IL1RAPL2: variants seen among roughly 807,000 people sequenced by gnomAD.
The protein encoded by IL1RAPL2 is interleukin 1 receptor accessory protein like 2, also known as X-linked interleukin-1 receptor accessory protein-like 2.
IL1RAPL2 carries 3 observed loss-of-function variants against 44.1 expected under a neutral mutation model. The ratio of observed to expected loss-of-function variants is 0.07; its 90% CI spans 0.03 to 0.18. IL1RAPL2 has a LOEUF of 0.18. Ranked by LOEUF, IL1RAPL2 falls within the 10% of genes least tolerant of loss-of-function variation. IL1RAPL2 has a pLI of 1.00. For synonymous variants in IL1RAPL2, 181 were observed against 178.8 expected, an observed-to-expected ratio of 1.01 and a Z score of -0.10; for missense variants, 391 against 496.4, an observed-to-expected ratio of 0.79 and a Z score of 2.02.
intron 2 of IL1RAPL2, among the ~76,000 whole-genome samples, chrX:104,916,764 A>G (rs1159841368): frequency 9.0e-6 from 1 of 111,161 alleles, no homozygotes; most frequent in Non-Finnish European, 1.9e-5. Context: ...ATTTCTTGAG[A>G]GTTTTTAGCA....
At chrX:104,875,520 C>A (rs1393152305) in intron 2 of IL1RAPL2, among the ~76,000 whole-genome samples, 5 of 111,667 alleles carry the variant, frequency 4.5e-5, no homozygotes, top group African/African-American at 1.6e-4. Context: ...GTTGTTCTAT[C>A]CAACCAGAGA....
intron 6 of IL1RAPL2, among the ~76,000 whole-genome samples, chrX:105,665,340 C>CGTGT (rs1178623936): frequency 2.6e-5 from 2 of 76,604 alleles, no homozygotes; most frequent in Non-Finnish European, 5.1e-5. Flanking sequence ...ATTTTATGCG[C>CGTGT]GTGCGTGTGT....
intron 10 of IL1RAPL2, among the ~76,000 whole-genome samples, chrX:105,763,953 T>TTTGA (rs754118438): frequency 2.4e-4 from 27 of 111,384 alleles, no homozygotes; most frequent in Non-Finnish European, 3.6e-4. Flanking sequence ...CAGGGAAAAT[T>TTTGA]TTGATATACT....
chrX:105,665,471 T>TA (rs1407353094), intron 6 of IL1RAPL2, among the ~76,000 whole-genome samples: 2 of 110,527 alleles, frequency 1.8e-5, no homozygotes, highest in Non-Finnish European at 3.8e-5. Flanking sequence ...GAAAACCTGT[T>TA]ACCTCTTTAT....
At chrX:105,587,765 G>T (rs896305570) in intron 6 of IL1RAPL2, among the ~76,000 whole-genome samples, 2 of 111,979 alleles carry the variant, frequency 1.8e-5, no homozygotes, top group South Asian at 7.4e-4. Flanking sequence ...CAGGCCAGAC[G>T]TGGAGGCTCA....
Position 104,585,354 on chromosome X carries a change from A to ATATAT in IL1RAPL2, c.-20+18304_-20+18308dup, listed in dbSNP as rs1928528492. On this transcript the variant is annotated intron_variant, in intron 1 of 10. Transcript: ENST00000372582. ...ATATATATTATATATTATATATATT[A>ATATAT]TATATATTATATATATTATATATAA... Among the ~76,000 whole-genome samples the ATATAT allele has an allele frequency of 1.3e-3, 16 of 12,128 alleles. 1 individual carries two copies. The highest frequency in any genetic ancestry group is 6.6e-3 in the African/African-American group (15 of 2,262). The allele number at this position is 12,128 out of a possible 115,157, so 10.5% of individuals were successfully genotyped here.
chrX:105,046,968 G>T (rs1248670604), intron 2 of IL1RAPL2, among the ~76,000 whole-genome samples: 1 of 109,090 alleles, frequency 9.2e-6, no homozygotes, highest in Non-Finnish European at 1.9e-5. Context: ...ACCCCATTCT[G>T]CCCGCTCCCT....
chrX:105,677,703 C>A (rs923607761), intron 6 of IL1RAPL2, among the ~76,000 whole-genome samples: 1 of 111,117 alleles, frequency 9.0e-6, no homozygotes, highest in Admixed American at 9.6e-5. Context: ...TAGTAGTACA[C>A]CACTGGCCTT....
chrX:104,689,214 C>T (rs1391289962), intron 2 of IL1RAPL2, among the ~76,000 whole-genome samples: 1 of 111,896 alleles, frequency 8.9e-6, no homozygotes, highest in Non-Finnish European at 1.9e-5. Flanking sequence ...TTCATTGCTA[C>T]CAAGCAGGAT....
chrX:105,676,506 G>C (rs183406792), intron 6 of IL1RAPL2, among the ~76,000 whole-genome samples: 2 of 111,651 alleles, frequency 1.8e-5, no homozygotes, highest in East Asian at 5.7e-4. Context: ...AATCCGCTTA[G>C]GGACTATACA....
At chrX:104,781,539 T>C (rs953459886) in intron 2 of IL1RAPL2, among the ~76,000 whole-genome samples, 1 of 112,157 alleles carries the variant, frequency 8.9e-6, no homozygotes, top group Admixed American at 9.5e-5. Context: ...GGGGCCCAGA[T>C]GCCTTCCATC....
At chrX:105,009,074 G>A (rs2030997516) in intron 2 of IL1RAPL2, among the ~76,000 whole-genome samples, 1 of 111,633 alleles carries the variant, frequency 9.0e-6, no homozygotes, top group East Asian at 2.8e-4. Flanking sequence ...AGTTAGAATG[G>A]CGAGTATTAA....
chrX:105,427,719 C>T (rs373062419), intron 5 of IL1RAPL2, among the ~76,000 whole-genome samples: 2 of 112,150 alleles, frequency 1.8e-5, no homozygotes, highest in Non-Finnish European at 3.8e-5. Flanking sequence ...ATCTCTTTGA[C>T]ATTTTGAGAA....
intron 5 of IL1RAPL2, among the ~76,000 whole-genome samples, chrX:105,410,041 G>A (rs1413262137): frequency 9.0e-6 from 1 of 110,945 alleles, no homozygotes; most frequent in East Asian, 2.8e-4. Flanking sequence ...CTGGATAAAT[G>A]GAGGTGCCAT....
intron 2 of IL1RAPL2, among the ~76,000 whole-genome samples, chrX:104,797,268 G>A (rs1479968584): frequency 3.2e-5 from 3 of 94,021 alleles, no homozygotes; most frequent in Non-Finnish European, 6.0e-5. Flanking sequence ...TCTGTGATTT[G>A]GTACGAGGCA....
chrX:104,747,617 A>C (rs1477980680), intron 2 of IL1RAPL2, among the ~76,000 whole-genome samples: 1 of 111,117 alleles, frequency 9.0e-6, no homozygotes, highest in Non-Finnish European at 1.9e-5. Flanking sequence ...ATGCCTCCTG[A>C]GGAAGTAATA....
intron 2 of IL1RAPL2, among the ~76,000 whole-genome samples, chrX:104,877,493 A>G (rs990544434): frequency 1.8e-5 from 2 of 112,678 alleles, no homozygotes; most frequent in Non-Finnish European, 3.8e-5. Flanking sequence ...ACACAATCAA[A>G]AAAGAGAATT....
Position 105,530,656 on chromosome X carries a change from T to C in IL1RAPL2, c.772+46269T>C, listed in dbSNP as rs2036627406. On this transcript the variant is annotated intron_variant, in intron 6 of 10. Coordinates refer to ENST00000372582, the MANE Select transcript of IL1RAPL2 (RefSeq NM_017416.2). ...GTTATTGACTATAGTCACCTTGTTA[T>C]GCTATCATATAGTAGGTCTTATTCA... Among the ~76,000 whole-genome samples the C allele has an allele frequency of 3.6e-5, 4 of 111,090 alleles. No homozygotes were observed. The Admixed American group carries it at 3.9e-4, about 11-fold the overall frequency.
At position 104,759,857 on chromosome X, in the gene IL1RAPL2, A is replaced by G. The variant is rs781402195; in HGVS notation, c.82+100862A>G. Among the ~76,000 whole-genome samples the G allele has an allele frequency of 1.4e-4, 16 of 111,734 alleles. No individual in the cohort carries two copies. The East Asian group carries it at 4.3e-3, about 30-fold the overall frequency. On this transcript the variant is annotated intron_variant, in intron 2 of 10. Transcript: ENST00000372582. ...AAATGTACAGTTATTGTTATTGACT[A>G]TAGTAATACTGTTGTGCTATCAAAT... is the stretch of plus-strand genomic sequence containing the variant.
Sources: allele counts gnomAD v4.1 joint callset (sites outside exome capture counted in the v4.1 genomes callset), GRCh38; gene constraint gnomAD v4.1.1; transcripts MANE v1.5; gene names NCBI Gene and HGNC (gene_info 2026-07-23, HGNC 2026-07-21).